GPM6A: variants seen among roughly 807,000 people sequenced by gnomAD.
The protein encoded by GPM6A is glycoprotein M6A.
Under a neutral mutation model 32.1 loss-of-function variants are expected in GPM6A, and 7 were observed. The observed-to-expected ratio is 0.22, with a 90% CI of 0.12 to 0.41. GPM6A has a LOEUF of 0.41. GPM6A is among the 10% of genes least tolerant of loss of function. The pLI is 1.00. For missense variants in GPM6A, 235 were observed against 347.2 expected, an observed-to-expected ratio of 0.68 and a Z score of 2.57; for synonymous variants, 130 against 123.4, an observed-to-expected ratio of 1.05 and a Z score of -0.35.
At chr4:175,807,923 C>G (rs1376707986) in intron 1 of GPM6A, among the ~76,000 whole-genome samples, 1 of 152,146 alleles carries the variant, frequency 6.6e-6, no homozygotes, top group African/African-American at 2.4e-5. Context: ...GTCAATTAAT[C>G]TATTTGGTAT....
Position 175,701,650 on chromosome 4 carries a change from G to A in GPM6A, c.155C>T (p.Ser52Phe). 2 of 1,614,022 alleles carry A rather than the reference G, an allele frequency of 1.2e-6. No individual in the cohort carries two copies. The highest frequency in any genetic ancestry group is 1.7e-6 in the Non-Finnish European group (2 of 1,179,952). The change falls in exon 2 of 7, where the codon TCT becomes TTT. Residue 52 changes from serine to phenylalanine, a missense_variant. Coordinates refer to ENST00000393658, the MANE Select transcript of GPM6A (RefSeq NM_201591.3). ...LFCGCGHEAL[S>F]GTVNILQTYF... ...GGTTTGCAGAATGTTGACAGTTCCA[G>A]AAAGCGCTTCATGACCGCAGCCACA...
chr4:175,868,782 T>A (rs1042837566), intron 1 of GPM6A, among the ~76,000 whole-genome samples: 4 of 152,248 alleles, frequency 2.6e-5, no homozygotes, highest in Non-Finnish European at 4.4e-5. Context: ...ACAATTTTTG[T>A]AAATGTTGAA....
intron 2 of GPM6A, among the ~76,000 whole-genome samples, chr4:175,686,474 T>C (rs1471699161): frequency 1.3e-5 from 2 of 152,194 alleles, no homozygotes; most frequent in African/African-American, 2.4e-5. Flanking sequence ...TCATGTTTCC[T>C]TATGAGATAC....
At chr4:175,893,137 G>A (rs1263573994) in intron 1 of GPM6A, among the ~76,000 whole-genome samples, 1 of 152,202 alleles carries the variant, frequency 6.6e-6, no homozygotes, top group African/African-American at 2.4e-5. Flanking sequence ...TGGAGACAGT[G>A]ATGGTAAACC....
intron 3 of GPM6A, among the ~76,000 whole-genome samples, chr4:175,660,876 C>A (rs1446564206): frequency 6.6e-6 from 1 of 152,186 alleles, no homozygotes; most frequent in Non-Finnish European, 1.5e-5. Context: ...GACAGTGTGA[C>A]ACTTTTTACT....
chr4:175,944,469 C>G (rs1485796504), intron 1 of GPM6A, among the ~76,000 whole-genome samples: 1 of 152,032 alleles, frequency 6.6e-6, no homozygotes. Flanking sequence ...AAAATGCATA[C>G]TGATTTTTAT....
At chr4:175,701,143 A>T (rs966160801) in intron 2 of GPM6A, among the ~76,000 whole-genome samples, 1 of 152,204 alleles carries the variant, frequency 6.6e-6, no homozygotes, top group East Asian at 1.9e-4. Flanking sequence ...CAACAGTAAG[A>T]TACCATACCC....
intron 1 of GPM6A, chr4:175,806,751 G>A (rs900769087): frequency 6.6e-6 from 1 of 152,268 alleles, no homozygotes; most frequent in African/African-American, 2.4e-5. Context: ...AATTTCTTAC[G>A]CCCAGGAGGA....
chr4:175,832,825 T>C (rs1735655752), intron 1 of GPM6A, among the ~76,000 whole-genome samples: 1 of 151,156 alleles, frequency 6.6e-6, no homozygotes. Context: ...AAATGGGGAG[T>C]TTCATGGTGC....
intron 5 of GPM6A, 128 bp downstream of exon 5, chr4:175,640,625 T>G: frequency 1.5e-6 from 1 of 685,796 alleles, no homozygotes; most frequent in African/African-American, 1.8e-5. Context: ...ATAACACTAC[T>G]TCAGGTAAAA....
chr4:175,962,047 T>C, intron 1 of GPM6A: 1 of 690,572 alleles, frequency 1.4e-6, no homozygotes, highest in Non-Finnish European at 2.7e-6. Flanking sequence ...ACTTAAGAAA[T>C]TTCTAGGGAA....
At chr4:175,715,397 T>A (rs1745787927) in intron 1 of GPM6A, among the ~76,000 whole-genome samples, 1 of 152,228 alleles carries the variant, frequency 6.6e-6, no homozygotes, top group Admixed American at 6.5e-5. Context: ...TGCGGTCATC[T>A]GAATGCTTGA....
At chr4:175,812,422 G>C, upstream of GPM6A, 1 of 1,299,288 alleles carries the variant, frequency 7.7e-7, no homozygotes, top group Non-Finnish European at 9.7e-7. Flanking sequence ...TTTGCTTGGA[G>C]ACAGGCTGTC....
chr4:175,750,500 T>A (rs1282754004), intron 1 of GPM6A, among the ~76,000 whole-genome samples: 1 of 152,160 alleles, frequency 6.6e-6, no homozygotes, highest in East Asian at 1.9e-4. Context: ...AGAGACAAAG[T>A]TAACATGGTA....
chr4:175,784,947 G>T (rs1225077806), intron 1 of GPM6A, among the ~76,000 whole-genome samples: 2 of 152,160 alleles, frequency 1.3e-5, no homozygotes, highest in African/African-American at 4.8e-5. Context: ...CCTACATTTG[G>T]TAATAGTCAA....
At chr4:175,650,958 A>T (rs1345867714) in intron 4 of GPM6A, among the ~76,000 whole-genome samples, 5 of 152,200 alleles carry the variant, frequency 3.3e-5, no homozygotes, top group African/African-American at 1.2e-4. Context: ...ATAATGTTAC[A>T]CATGATAACA....
At chr4:175,888,106 A>T (rs1324264588) in intron 1 of GPM6A, among the ~76,000 whole-genome samples, 1 of 152,036 alleles carries the variant, frequency 6.6e-6, no homozygotes, top group Non-Finnish European at 1.5e-5. Context: ...AAAGTAATAC[A>T]TAATAACCAA....
At chr4:175,820,175 C>A (rs1335983863) in intron 1 of GPM6A, among the ~76,000 whole-genome samples, 1 of 152,182 alleles carries the variant, frequency 6.6e-6, no homozygotes, top group African/African-American at 2.4e-5. Flanking sequence ...GCCATTAGGA[C>A]TTTATGCACA....
intron 1 of GPM6A, among the ~76,000 whole-genome samples, chr4:175,900,965 T>C (rs951146718): frequency 1.3e-5 from 2 of 152,158 alleles, no homozygotes; most frequent in African/African-American, 2.4e-5. Flanking sequence ...GATCCAGTCA[T>C]TTGCAACAGC....
Sources: gnomAD v4.1 joint callset for allele counts (sites outside exome capture counted in the v4.1 genomes callset) on GRCh38, gnomAD v4.1.1 for gene constraint, MANE v1.5 for transcripts, NCBI Gene and HGNC (gene_info 2026-07-23, HGNC 2026-07-21) for gene names.